PTPRQ: variants seen among roughly 807,000 people sequenced by gnomAD.
PTPRQ encodes phosphatidylinositol phosphatase PTPRQ.
In PTPRQ, 199 loss-of-function variants were observed where a neutral mutation model predicts 246.0. The observed-to-expected ratio is 0.81, with a 90% CI of 0.72 to 0.91. PTPRQ has a LOEUF of 0.91. Ranked by LOEUF, PTPRQ falls within the 40% of genes least tolerant of loss-of-function variation. The pLI, the probability that PTPRQ is intolerant of heterozygous loss-of-function variation, is 0.00. For missense variants in PTPRQ, 2,624 were observed against 2,528.4 expected (o/e 1.04, Z -0.81); for synonymous variants, 869 against 853.2 (o/e 1.02, Z -0.32).
At chr12:80,533,956 C>T in intron 17 of PTPRQ, 59 bp from the exon 18 acceptor site, 1 of 1,288,676 alleles carries the variant, frequency 7.8e-7, no homozygotes. Flanking sequence ...TTAGTGTGCT[C>T]AAAAAGTATT....
At chr12:80,572,620 T>C (rs1430425428) in intron 25 of PTPRQ, among the ~76,000 whole-genome samples, 1 of 152,150 alleles carries the variant, frequency 6.6e-6, no homozygotes, top group African/African-American at 2.4e-5. Flanking sequence ...TAGTTTTTCA[T>C]CATTTTATAT....
chr12:80,536,997 G>A (rs979105749), intron 19 of PTPRQ, among the ~76,000 whole-genome samples: 13 of 152,172 alleles, frequency 8.5e-5, no homozygotes, highest in East Asian at 5.8e-4. Context: ...TGGTTCCAAC[G>A]TGATCTTCTA....
At chr12:80,463,696 G>C (rs1387710244) in intron 6 of PTPRQ, among the ~76,000 whole-genome samples, 2 of 151,708 alleles carry the variant, frequency 1.3e-5, no homozygotes, top group Non-Finnish European at 2.9e-5. Context: ...AGCCAGAAGA[G>C]AGTGGGGGCC....
At chr12:80,529,494 T>C (rs1204651664) in intron 17 of PTPRQ, among the ~76,000 whole-genome samples, 1 of 152,174 alleles carries the variant, frequency 6.6e-6, no homozygotes, top group Non-Finnish European at 1.5e-5. Flanking sequence ...TACACATTTA[T>C]ACTTATGGAA....
intron 14 of PTPRQ, among the ~76,000 whole-genome samples, chr12:80,497,991 A>G (rs1894680819): frequency 6.6e-6 from 1 of 152,060 alleles, no homozygotes; most frequent in Admixed American, 6.6e-5. Flanking sequence ...ATTCACAGAA[A>G]TGAATACAAT....
chr12:80,619,475 A>AAT lies in PTPRQ; in HGVS notation c.5325_5326dup (p.Cys1776TyrfsTer11), dbSNP rs1360208918. On this transcript the variant is annotated frameshift_variant, in exon 31 of 45. Transcript: ENST00000644991. LOFTEE classifies it high-confidence loss of function. ...CAACAACAATTACAATCAGAATGCCAATATGTTACTACAGTGATGATCATG... is the reference window on the plus strand; with the variant it reads ...CAACAACAATTACAATCAGAATGCCAATATATGTTACTACAGTGATGATCATG... 1 of 1,548,158 alleles carries AAT rather than the reference A, an allele frequency of 6.5e-7. No individual in the cohort carries two copies. Among genetic ancestry groups the AAT allele is most frequent in the Non-Finnish European group, 8.7e-7 (1 of 1,144,782 alleles).
chr12:80,645,802 T>A (rs959482488), intron 35 of PTPRQ, among the ~76,000 whole-genome samples: 1 of 151,962 alleles, frequency 6.6e-6, no homozygotes, highest in African/African-American at 2.4e-5. Flanking sequence ...TGGTATAAAA[T>A]TGAGAGGGAG....
At position 80,542,886 on chromosome 12, in the gene PTPRQ, G is replaced by A. The variant is rs1896196662; in HGVS notation, c.3873+5G>A. The A allele has an allele frequency of 6.9e-7, 1 of 1,453,822 alleles. No individual in the cohort carries two copies. Among genetic ancestry groups the A allele is most frequent in the Admixed American group, 2.5e-5 (1 of 39,402 alleles). The allele number at this position is 1,453,822 out of a possible 1,614,324, so 90.1% of individuals were successfully genotyped here. A position where few individuals can be genotyped will look rare whatever the true frequency, so the allele number is the denominator to read the frequency against. ...ACTGACACTATATATTATAAGGTAGGTTGATTATAACAGTATATGTTTATT... is the reference window on the plus strand; with the variant it reads ...ACTGACACTATATATTATAAGGTAGATTGATTATAACAGTATATGTTTATT... On this transcript the variant is annotated splice_donor_5th_base_variant and intron_variant, in intron 23 of 44. Coordinates refer to ENST00000644991, the MANE Select transcript of PTPRQ (RefSeq NM_001145026.2).
chr12:80,458,538 AT>A (rs138111017), intron 4 of PTPRQ, among the ~76,000 whole-genome samples: 125 of 148,176 alleles, frequency 8.4e-4, no homozygotes, highest in African/African-American at 2.4e-3. Context: ...ACTATCACTT[AT>A]TTTTTTTTTA....
At chr12:80,496,634 C>G in intron 14 of PTPRQ, 103 bp downstream of exon 14, 1 of 1,348,054 alleles carries the variant, frequency 7.4e-7, no homozygotes. Flanking sequence ...TAAAATCCCT[C>G]ATTATTTTGT....
At chr12:80,579,214 T>C (rs1897361766) in intron 25 of PTPRQ, among the ~76,000 whole-genome samples, 1 of 152,222 alleles carries the variant, frequency 6.6e-6, no homozygotes, top group Non-Finnish European at 1.5e-5. Flanking sequence ...AGTTTATATG[T>C]CACTAATTAA....
intron 23 of PTPRQ, among the ~76,000 whole-genome samples, chr12:80,544,244 G>T (rs1286496999): frequency 6.6e-6 from 1 of 152,090 alleles, no homozygotes; most frequent in East Asian, 1.9e-4. Flanking sequence ...GATTAAAAAG[G>T]AAAGTCTCCA....
In PTPRQ at chr12:80,484,445, T is replaced by C. The variant is rs942449450; in HGVS notation, c.1199T>C (p.Val400Ala). 1.3e-6 allele frequency: 2 copies of C among 1,549,582 alleles called. No individual in the cohort carries two copies. Among genetic ancestry groups the C allele is most frequent in the African/African-American group, 1.4e-5 (1 of 72,890 alleles). ...VFTPPDVPGA[V>A]FDLQLAEVES... Reference sequence around the variant, plus strand: ...CTTTCTTTCTTAGTTCCAGGGGCAGTGTTTGATTTACAACTTGCAGAGGTA... The same window carrying C: ...CTTTCTTTCTTAGTTCCAGGGGCAGCGTTTGATTTACAACTTGCAGAGGTA... The change falls in exon 9 of 45, where the codon GTG (valine) becomes GCG (alanine). Residue 400 changes from valine (V) to alanine (A), a missense_variant. By Grantham distance (64) the Val-to-Ala change is moderately conservative. Coordinates refer to ENST00000644991, the MANE Select transcript of PTPRQ (RefSeq NM_001145026.2).
At chr12:80,614,746 C>A (rs1412033949) in intron 29 of PTPRQ, among the ~76,000 whole-genome samples, 1 of 150,574 alleles carries the variant, frequency 6.6e-6, no homozygotes, top group African/African-American at 2.4e-5. Flanking sequence ...TGTGCCAGGG[C>A]AGCTTTATCA....
intron 25 of PTPRQ, among the ~76,000 whole-genome samples, chr12:80,550,559 G>A (rs1275370546): frequency 6.6e-6 from 1 of 152,058 alleles, no homozygotes; most frequent in East Asian, 1.9e-4. Flanking sequence ...TTTCCAGGAT[G>A]GAATAGTTAC....
At chr12:80,479,802 G>A (rs1221939298) in intron 8 of PTPRQ, among the ~76,000 whole-genome samples, 1 of 152,024 alleles carries the variant, frequency 6.6e-6, no homozygotes, top group African/African-American at 2.4e-5. Context: ...AATGGTAAAG[G>A]GATCAATTCA....
rs1035619368 is a variant in PTPRQ at position 80,460,659 on chromosome 12, A to G, written c.667A>G (p.Ser223Gly). 7.5e-6 allele frequency: 3 copies of G among 398,558 alleles called. No individual in the cohort carries two copies. Among genetic ancestry groups the G allele is most frequent in the Non-Finnish European group, 1.3e-5 (3 of 226,048 alleles). 24.7% of individuals were successfully genotyped at this position (398,558 alleles called of 1,614,324 possible). Residue 223 changes from serine to glycine, a missense_variant, in exon 6 of 45, where the codon AGT (serine) becomes GGT (glycine). Ser to Gly is a moderately conservative substitution (Grantham distance 56). Coordinates refer to ENST00000644991, the MANE Select transcript of PTPRQ (RefSeq NM_001145026.2). ...ATCTTATTTTATTTACTAGGAGAAT[A>G]GTGAATCTTTTTTATGGAGTACAGC... The part of the protein sequence containing the change: ...TGKLPECNEN[S>G]ESFLWSTASP...
chr12:80,537,753 C>A (rs746990873), intron 19 of PTPRQ, among the ~76,000 whole-genome samples: 7 of 152,086 alleles, frequency 4.6e-5, no homozygotes, highest in Non-Finnish European at 7.4e-5. Context: ...AACTTTTCTA[C>A]TTTTTAAGTT....
Position 80,610,432 on chromosome 12 carries a change from C to T in PTPRQ, c.4732-7C>T, listed in dbSNP as rs530105912. ...CTTCCTTAATTTTTACTTATATTTTCCTATAGGTAGATAATGATGAATTTA... is the reference window on the plus strand; with the variant it reads ...CTTCCTTAATTTTTACTTATATTTTTCTATAGGTAGATAATGATGAATTTA... On this transcript the variant is annotated splice_region_variant and splice_polypyrimidine_tract_variant and intron_variant, in intron 27 of 44. Coordinates refer to ENST00000644991, the MANE Select transcript of PTPRQ (RefSeq NM_001145026.2). 5.5e-6 allele frequency: 8 copies of T among 1,466,012 alleles called. No individual in the cohort carries two copies. In the African/African-American group the frequency reaches 1.0e-4, roughly 19 times the overall value. 90.8% of individuals were successfully genotyped at this position (1,466,012 alleles called of 1,614,324 possible). A position where few individuals can be genotyped will look rare whatever the true frequency, so the allele number is the denominator to read the frequency against.
Sources: allele counts gnomAD v4.1 joint callset (sites outside exome capture counted in the v4.1 genomes callset), GRCh38; gene constraint gnomAD v4.1.1; transcripts MANE v1.5; gene names NCBI Gene and HGNC (gene_info 2026-07-23, HGNC 2026-07-21).